Variants in PDCD10 observed in about 807,000 individuals in gnomAD.
PDCD10 encodes the protein programmed cell death 10.
In PDCD10, 4 loss-of-function variants were observed where a neutral mutation model predicts 29.2. The ratio of observed to expected loss-of-function variants is 0.14; its 90% CI spans 0.07 to 0.31. The LOEUF (loss-of-function observed/expected upper bound fraction) is 0.31, where lower values mean the gene tolerates loss of function less well. PDCD10 is among the 10% of genes least tolerant of loss of function. The probability of loss-of-function intolerance (pLI) is 1.00; values close to 1 mark genes in which losing one functional copy is unlikely to be tolerated. For missense variants in PDCD10, 183 were observed against 257.9 expected (o/e 0.71, Z 1.99); for synonymous variants, 70 against 82.2 (o/e 0.85, Z 0.80).
chr3:167,698,511 A>G (rs1395722936), intron 4 of PDCD10, among the ~76,000 whole-genome samples: 1 of 152,014 alleles, frequency 6.6e-6, no homozygotes, highest in East Asian at 1.9e-4. Flanking sequence ...ACTCCAGCCT[A>G]TGATACAGAA....
At chr3:167,710,423 A>C (rs1311815979) in intron 3 of PDCD10, among the ~76,000 whole-genome samples, 1 of 152,180 alleles carries the variant, frequency 6.6e-6, no homozygotes, top group Non-Finnish European at 1.5e-5. Flanking sequence ...ATGGCCTAGC[A>C]GAACTCCCCA....
At chr3:167,711,067 C>T (rs1258891281) in intron 3 of PDCD10, among the ~76,000 whole-genome samples, 1 of 152,120 alleles carries the variant, frequency 6.6e-6, no homozygotes, top group Non-Finnish European at 1.5e-5. Flanking sequence ...AAAACAAGCC[C>T]AGACTGCAAC....
At chr3:167,725,534 G>A (rs1403925285) in intron 2 of PDCD10, 4 of 151,650 alleles carry the variant, frequency 2.6e-5, no homozygotes, top group Admixed American at 1.3e-4. Context: ...AGTAAAATGA[G>A]CTTGATGTCT....
At chr3:167,725,770 T>TGC in intron 2 of PDCD10, among the ~76,000 whole-genome samples, 1 of 17,374 alleles carries the variant, frequency 5.8e-5, no homozygotes, top group African/African-American at 3.0e-4. Flanking sequence ...CGTTTATATA[T>TGC]ATATATATAT....
intron 7 of PDCD10, 37 bp from the exon 8 acceptor site, chr3:167,687,353 A>T: frequency 8.4e-7 from 1 of 1,193,568 alleles, no homozygotes; most frequent in Non-Finnish European, 1.2e-6. Context: ...TAAAGTACTA[A>T]ATAAGAGAAA....
At chr3:167,715,909 C>A (rs1031763288) in intron 3 of PDCD10, among the ~76,000 whole-genome samples, 4 of 151,900 alleles carry the variant, frequency 2.6e-5, no homozygotes, top group African/African-American at 4.8e-5. Flanking sequence ...TACCAGCAAT[C>A]CCAATGCTGG....
chr3:167,732,022 A>G (rs1724870345), intron 2 of PDCD10, among the ~76,000 whole-genome samples: 1 of 152,208 alleles, frequency 6.6e-6, no homozygotes, highest in Admixed American at 6.5e-5. Context: ...GGCTGGAGAT[A>G]AGGACGGAGA....
At chr3:167,705,903 T>C (rs1204354171) in intron 3 of PDCD10, among the ~76,000 whole-genome samples, 1 of 152,148 alleles carries the variant, frequency 6.6e-6, no homozygotes, top group Non-Finnish European at 1.5e-5. Flanking sequence ...ACAATATAGC[T>C]CATTAGATCT....
chr3:167,729,468 T>C (rs977889299), intron 2 of PDCD10, among the ~76,000 whole-genome samples: 2 of 152,200 alleles, frequency 1.3e-5, no homozygotes, highest in Non-Finnish European at 2.9e-5. Context: ...CATGGTCTCT[T>C]GAGTCAGCCA....
intron 8 of PDCD10, among the ~76,000 whole-genome samples, chr3:167,685,338 A>AGCTGGAGGT (rs1301736522): frequency 1.4e-5 from 2 of 141,696 alleles, no homozygotes; most frequent in Non-Finnish European, 3.0e-5. Context: ...TGAACCCAGG[A>AGCTGGAGGT]GCTGGAGGTC....
chr3:167,687,224 C>G lies in PDCD10; in HGVS notation c.557+10G>C, dbSNP rs1719721909. 13 of 1,268,570 alleles carry G rather than the reference C, an allele frequency of 1.0e-5. No individual in the cohort carries two copies. Among genetic ancestry groups the G allele is most frequent in the East Asian group, 4.6e-5 (2 of 43,218 alleles). The allele number at this position is 1,268,570 out of a possible 1,614,324, so 78.6% of individuals were successfully genotyped here. On this transcript the variant is annotated intron_variant, in intron 8 of 8. Transcript: ENST00000392750. ...AATTTTAAAAGTAAAGGATAAATTA[C>G]AGTACTTACTTGCCATCTTTAAAAT...
At chr3:167,710,037 C>T (rs557155724) in intron 3 of PDCD10, among the ~76,000 whole-genome samples, 6 of 152,184 alleles carry the variant, frequency 3.9e-5, no homozygotes, top group African/African-American at 1.4e-4. Flanking sequence ...CAGGATTCAT[C>T]GCCTGCTGAC....
intron 5 of PDCD10, 90 bp from the exon 6 acceptor site, chr3:167,695,812 G>A: frequency 7.6e-7 from 1 of 1,309,906 alleles, no homozygotes; most frequent in South Asian, 1.2e-5. Context: ...TCAAAGGCAG[G>A]TGAGGGAGGT....
intron 8 of PDCD10, among the ~76,000 whole-genome samples, chr3:167,685,233 T>A (rs199943140): frequency 6.6e-6 from 1 of 151,794 alleles, no homozygotes; most frequent in East Asian, 1.9e-4. Flanking sequence ...GCCAACATGG[T>A]GAAACCTTGT....
intron 3 of PDCD10, among the ~76,000 whole-genome samples, chr3:167,707,791 T>C (rs1365308515): frequency 6.6e-6 from 1 of 152,176 alleles, no homozygotes. Flanking sequence ...AGGAGGAAAT[T>C]GTGACTGCAC....
chr3:167,709,753 G>A (rs1429414994), intron 3 of PDCD10, among the ~76,000 whole-genome samples: 3 of 151,966 alleles, frequency 2.0e-5, no homozygotes, highest in African/African-American at 4.8e-5. Flanking sequence ...CAGACAGGGC[G>A]ACCAAGGGAA....
At chr3:167,722,334 T>G (rs1295881299) in intron 2 of PDCD10, among the ~76,000 whole-genome samples, 2 of 152,178 alleles carry the variant, frequency 1.3e-5, no homozygotes, top group Non-Finnish European at 2.9e-5. Context: ...AGACAGTCTC[T>G]GACCCCATTA....
At chr3:167,732,027 C>A (rs1470644586) in intron 2 of PDCD10, among the ~76,000 whole-genome samples, 1 of 152,004 alleles carries the variant, frequency 6.6e-6, no homozygotes, top group African/African-American at 2.4e-5. Context: ...GAGATAAGGA[C>A]GGAGAGCTGG....
intron 4 of PDCD10, among the ~76,000 whole-genome samples, chr3:167,703,526 G>A (rs908073446): frequency 6.6e-6 from 1 of 151,714 alleles, no homozygotes. Context: ...AAGCAGAATG[G>A]GCTTATAGTT....
Sources: allele counts gnomAD v4.1 joint callset (sites outside exome capture counted in the v4.1 genomes callset), GRCh38; gene constraint gnomAD v4.1.1; transcripts MANE v1.5; gene names NCBI Gene and HGNC (gene_info 2026-07-23, HGNC 2026-07-21).